Variants in MEF2A observed in about 807,000 individuals in gnomAD.
The protein encoded by MEF2A is myocyte-specific enhancer factor 2A.
Under a neutral mutation model 55.8 loss-of-function variants are expected in MEF2A, and 28 were observed. That is an observed-to-expected ratio of 0.50 (90% confidence interval 0.37 to 0.69). MEF2A has a LOEUF of 0.69. MEF2A is among the 30% of genes least tolerant of loss of function. The pLI, the probability that MEF2A is intolerant of heterozygous loss-of-function variation, is 0.00. For synonymous variants in MEF2A, 239 were observed against 227.1 expected, an observed-to-expected ratio of 1.05 and a Z score of -0.47; for missense variants, 528 against 626.2, an observed-to-expected ratio of 0.84 and a Z score of 1.67.
At chr15:99,684,483 G>C (rs139802604) in intron 7 of MEF2A, among the ~76,000 whole-genome samples, 6 of 152,252 alleles carry the variant, frequency 3.9e-5, no homozygotes, top group Admixed American at 1.3e-4. Flanking sequence ...AGCATTTTTC[G>C]TATGTCTTTT....
At chr15:99,700,450 T>C (rs2057253249) in intron 8 of MEF2A, among the ~76,000 whole-genome samples, 1 of 151,788 alleles carries the variant, frequency 6.6e-6, no homozygotes, top group Admixed American at 6.6e-5. Flanking sequence ...AAGTCGAGGC[T>C]GCAGTGGCCT....
chr15:99,650,161 A>G (rs1046782911), intron 4 of MEF2A, among the ~76,000 whole-genome samples: 1 of 152,148 alleles, frequency 6.6e-6, no homozygotes, highest in Non-Finnish European at 1.5e-5. Flanking sequence ...CTTCATATTC[A>G]AGGTAAGCTT....
intron 2 of MEF2A, among the ~76,000 whole-genome samples, chr15:99,602,653 GGTGTGTGTGT>G (rs773502316): frequency 0.042 from 1,876 of 44,788 alleles, 82 homozygotes; most frequent in African/African-American, 0.12. Flanking sequence ...ACATTCCTGG[GGTGTGTGTGT>G]GTGTGTGTGT....
intron 1 of MEF2A, among the ~76,000 whole-genome samples, chr15:99,589,661 C>CTTTA (rs977059363): frequency 6.6e-6 from 1 of 152,064 alleles, no homozygotes; most frequent in Non-Finnish European, 1.5e-5. Flanking sequence ...GTATCTTTAG[C>CTTTA]TTTACCCTAT....
chr15:99,574,366 A>G (rs886776972), intron 1 of MEF2A, among the ~76,000 whole-genome samples: 20 of 152,306 alleles, frequency 1.3e-4, no homozygotes, highest in African/African-American at 4.8e-4. Context: ...GATGGTTTCA[A>G]AATGATTCAA....
At position 99,670,139 on chromosome 15, in the gene MEF2A, A is replaced by G. The variant is rs908250782; in HGVS notation, c.259-1184A>G. Among the ~76,000 whole-genome samples the G allele has an allele frequency of 8.5e-5, 13 of 152,346 alleles. No homozygotes were observed. The South Asian group carries it at 1.7e-3, about 19-fold the overall frequency. On this transcript the variant is annotated intron_variant, in intron 4 of 11. Transcript: ENST00000557942. Reference sequence around the variant, plus strand: ...TAAGACATTCTGAAAGTAAAGGAATATTCCATATATCTTCAAGCTCTTGGT... The same window carrying G: ...TAAGACATTCTGAAAGTAAAGGAATGTTCCATATATCTTCAAGCTCTTGGT...
chr15:99,623,791 A>G (rs995022909), intron 2 of MEF2A, among the ~76,000 whole-genome samples: 6 of 151,220 alleles, frequency 4.0e-5, no homozygotes, highest in Non-Finnish European at 7.4e-5. Flanking sequence ...CTTGTATCAA[A>G]TATATGATCT....
chr15:99,675,387 T>TA lies in MEF2A; in HGVS notation c.611-10dup. On this transcript the variant is annotated splice_polypyrimidine_tract_variant and intron_variant, in intron 6 of 11. Transcript: ENST00000557942. ...TTCTCTGCCCTCTGTCTTCTCTCCG[T>TA]AACGTTGTTAGGTGGGATGTTGAGC... The TA allele has an allele frequency of 1.2e-6, 2 of 1,613,270 alleles. No homozygotes were observed. Among genetic ancestry groups the TA allele is most frequent in the South Asian group, 2.2e-5 (2 of 91,072 alleles).
intron 4 of MEF2A, among the ~76,000 whole-genome samples, chr15:99,668,493 C>T (rs577781157): frequency 6.6e-5 from 10 of 152,278 alleles, no homozygotes; most frequent in Admixed American, 5.9e-4. Flanking sequence ...AACTCAATCA[C>T]GTTATTTACA....
intron 7 of MEF2A, among the ~76,000 whole-genome samples, chr15:99,677,416 A>C (rs888326110): frequency 2.6e-5 from 4 of 152,092 alleles, no homozygotes; most frequent in African/African-American, 7.2e-5. Flanking sequence ...ATTTTAGAAC[A>C]AAAAAACCCC....
intron 1 of MEF2A, among the ~76,000 whole-genome samples, chr15:99,580,395 G>A (rs943649159): frequency 5.9e-5 from 9 of 152,180 alleles, no homozygotes; most frequent in African/African-American, 2.2e-4. Flanking sequence ...ACTGTGGCAA[G>A]TCTTTACTTT....
intron 7 of MEF2A, among the ~76,000 whole-genome samples, chr15:99,679,531 T>A (rs2052801480): frequency 6.6e-6 from 1 of 152,222 alleles, no homozygotes; most frequent in African/African-American, 2.4e-5. Context: ...GGGATGCTTG[T>A]GTAGATAGAT....
At chr15:99,688,897 G>A (rs1196079611) in intron 7 of MEF2A, among the ~76,000 whole-genome samples, 1 of 152,192 alleles carries the variant, frequency 6.6e-6, no homozygotes, top group Non-Finnish European at 1.5e-5. Flanking sequence ...ACTGTGGTGA[G>A]CGAGAATGAC....
chr15:99,610,817 G>A (rs1200111703), intron 2 of MEF2A, among the ~76,000 whole-genome samples: 6 of 152,114 alleles, frequency 3.9e-5, no homozygotes, highest in Admixed American at 3.9e-4. Flanking sequence ...AAACTATATA[G>A]GCTAAGTCTT....
At chr15:99,700,187 T>C (rs75935946) in intron 8 of MEF2A, among the ~76,000 whole-genome samples, 101,863 of 112,272 alleles carry the variant, frequency 0.91, 46,791 homozygotes, top group East Asian at 0.99. Flanking sequence ...TGTGTATATA[T>C]ACACACACAC....
At chr15:99,708,544 G>A (rs943912566) in intron 10 of MEF2A, among the ~76,000 whole-genome samples, 4 of 152,194 alleles carry the variant, frequency 2.6e-5, no homozygotes, top group African/African-American at 4.8e-5. Flanking sequence ...CCTTTTGACC[G>A]ACTTTATCTT....
At chr15:99,618,569 G>A (rs955363075) in intron 2 of MEF2A, among the ~76,000 whole-genome samples, 4 of 152,086 alleles carry the variant, frequency 2.6e-5, no homozygotes, top group Non-Finnish European at 4.4e-5. Context: ...ATTCTTCTTA[G>A]GAAATTTCGA....
chr15:99,601,260 ATTAT>A (rs1168370173), intron 2 of MEF2A, among the ~76,000 whole-genome samples: 1 of 152,198 alleles, frequency 6.6e-6, no homozygotes, highest in African/African-American at 2.4e-5. Flanking sequence ...TGCTAAATTA[ATTAT>A]TAGTGCTAGT....
chr15:99,650,513 G>A (rs989527810), intron 4 of MEF2A, among the ~76,000 whole-genome samples: 2 of 152,148 alleles, frequency 1.3e-5, no homozygotes, highest in Admixed American at 1.3e-4. Flanking sequence ...AATCCTTACT[G>A]TTGCCCTTAT....
Sources: allele counts gnomAD v4.1 joint callset (sites outside exome capture counted in the v4.1 genomes callset), GRCh38; gene constraint gnomAD v4.1.1; transcripts MANE v1.5; gene names NCBI Gene and HGNC (gene_info 2026-07-23, HGNC 2026-07-21).